Variants in TRIQK observed in about 807,000 individuals in gnomAD.
TRIQK encodes the protein triple QxxK/R motif containing, also known as triple QxxK/R motif-containing protein.
TRIQK carries 10 observed loss-of-function variants against 10.8 expected under a neutral mutation model. The observed-to-expected ratio is 0.92, with a 90% CI of 0.57 to 1.57. The LOEUF is 1.57. Among genes scored for constraint, TRIQK ranks in the 40% most tolerant of loss-of-function variants. The pLI is 0.00. For missense variants in TRIQK, 107 were observed against 97.7 expected (o/e 1.09, Z -0.40); for synonymous variants, 33 against 33.7 (o/e 0.98, Z 0.07).
At chr8:92,979,914 A>G (rs1187212160) in intron 1 of TRIQK, among the ~76,000 whole-genome samples, 4 of 152,124 alleles carry the variant, frequency 2.6e-5, no homozygotes, top group Non-Finnish European at 5.9e-5. Context: ...TATGAAAGAT[A>G]GAGTTGCTTC....
chr8:92,937,995 C>G (rs938406717), intron 2 of TRIQK, among the ~76,000 whole-genome samples: 4 of 151,892 alleles, frequency 2.6e-5, no homozygotes, highest in African/African-American at 9.7e-5. Flanking sequence ...GTTTCATTTT[C>G]CTTTTTTCTG....
rs2130220198 is a variant in TRIQK, at chr8:92,886,617, C to T, written c.*5G>A. Reference sequence around the variant, plus strand: ...TTTCTCTTTCATGCATTGATTGTTGCTTAGCTAATCTTCATCTTGGTCCAG... The same window carrying T: ...TTTCTCTTTCATGCATTGATTGTTGTTTAGCTAATCTTCATCTTGGTCCAG... On this transcript the variant is annotated 3_prime_UTR_variant, in exon 5 of 5. Coordinates refer to ENST00000521988, the MANE Select transcript of TRIQK (RefSeq NM_001171797.2). 6.7e-7 allele frequency: 1 copy of T among 1,501,508 alleles called. No individual in the cohort carries two copies. 93.0% of individuals were successfully genotyped at this position (1,501,508 alleles called of 1,614,324 possible). A position where few individuals can be genotyped will look rare whatever the true frequency, so the allele number is the denominator to read the frequency against.
At chr8:93,015,907 A>G (rs897996009) in intron 1 of TRIQK, among the ~76,000 whole-genome samples, 17 of 151,812 alleles carry the variant, frequency 1.1e-4, no homozygotes, top group Admixed American at 2.6e-4. Context: ...TCTCCACAAA[A>G]CACCTTGTGC....
At chr8:92,980,870 A>C in intron 1 of TRIQK, among the ~76,000 whole-genome samples, 1 of 151,538 alleles carries the variant, frequency 6.6e-6, no homozygotes, top group Middle Eastern at 3.4e-3. Context: ...TAACTTTAGA[A>C]ATATTTTTGC....
At chr8:93,003,844 C>A (rs1400235008) in intron 1 of TRIQK, among the ~76,000 whole-genome samples, 2 of 152,184 alleles carry the variant, frequency 1.3e-5, no homozygotes, top group Admixed American at 6.5e-5. Context: ...GCAGGGAAGT[C>A]ATTAAATCTT....
At chr8:92,982,389 A>C (rs979552019) in intron 1 of TRIQK, among the ~76,000 whole-genome samples, 4 of 152,144 alleles carry the variant, frequency 2.6e-5, no homozygotes, top group Non-Finnish European at 5.9e-5. Context: ...TTCTTATGGA[A>C]TATTAAAATA....
chr8:92,902,852 T>C (rs913787838), intron 3 of TRIQK, among the ~76,000 whole-genome samples: 2 of 152,044 alleles, frequency 1.3e-5, no homozygotes, highest in East Asian at 1.9e-4. Context: ...TTCCTTCTTA[T>C]TGTATTACTT....
intron 3 of TRIQK, among the ~76,000 whole-genome samples, chr8:92,910,488 T>C (rs1586404323): frequency 2.0e-5 from 3 of 151,036 alleles, no homozygotes; most frequent in African/African-American, 7.2e-5. Flanking sequence ...ATGAAAAATA[T>C]AAATAAAAAT....
At chr8:92,959,574 C>G (rs566432278) in intron 1 of TRIQK, among the ~76,000 whole-genome samples, 1 of 151,140 alleles carries the variant, frequency 6.6e-6, no homozygotes, top group Admixed American at 6.6e-5. Flanking sequence ...CTGGTATCTT[C>G]GGGTCTTTTT....
At chr8:92,943,075 T>TA (rs568414238) in intron 2 of TRIQK, among the ~76,000 whole-genome samples, 2,725 of 138,272 alleles carry the variant, frequency 0.02, 31 homozygotes, top group Non-Finnish European at 0.025. Context: ...TTACAATAGC[T>TA]AAAAAAAAAA....
chr8:92,911,868 T>C (rs1390222670), intron 3 of TRIQK, among the ~76,000 whole-genome samples: 1 of 148,226 alleles, frequency 6.7e-6, no homozygotes, highest in Non-Finnish European at 1.5e-5. Context: ...TATGTATATA[T>C]GAGTGTACAT....
At chr8:92,927,504 A>G (rs1275157572) in intron 2 of TRIQK, among the ~76,000 whole-genome samples, 2 of 152,202 alleles carry the variant, frequency 1.3e-5, no homozygotes, top group African/African-American at 4.8e-5. Flanking sequence ...TTATTTTACT[A>G]GAGAAGAAAG....
At chr8:92,955,598 T>G (rs938888528) in intron 1 of TRIQK, among the ~76,000 whole-genome samples, 7 of 151,506 alleles carry the variant, frequency 4.6e-5, no homozygotes, top group African/African-American at 9.7e-5. Context: ...AAATAAAAAT[T>G]TTATGCTTTA....
At chr8:92,989,347 G>A (rs1254366097) in intron 1 of TRIQK, among the ~76,000 whole-genome samples, 3 of 152,120 alleles carry the variant, frequency 2.0e-5, no homozygotes, top group Non-Finnish European at 2.9e-5. Flanking sequence ...GATCTTTTAG[G>A]AACCAGGCTG....
At chr8:92,972,015 A>G (rs543850873) in intron 1 of TRIQK, among the ~76,000 whole-genome samples, 2 of 152,278 alleles carry the variant, frequency 1.3e-5, no homozygotes, top group East Asian at 3.9e-4. Flanking sequence ...TCATTATGCA[A>G]TGTTGACCTT....
At chr8:92,973,968 T>A (rs904412725) in intron 1 of TRIQK, 1 of 152,416 alleles carries the variant, frequency 6.6e-6, no homozygotes, top group Non-Finnish European at 1.5e-5. Flanking sequence ...AAACCTGCCC[T>A]GTGCAGACAA....
chr8:92,965,006 G>C (rs1034801633), intron 1 of TRIQK: 1 of 152,080 alleles, frequency 6.6e-6, no homozygotes, highest in Non-Finnish European at 1.5e-5. Context: ...TTTCTCTCTG[G>C]AATGTTTGTT....
At chr8:93,002,358 G>A (rs1267224708) in intron 1 of TRIQK, among the ~76,000 whole-genome samples, 1 of 152,064 alleles carries the variant, frequency 6.6e-6, no homozygotes. Context: ...AAACTGACAA[G>A]CTTTTAGCTA....
At chr8:92,940,725 C>A (rs1457060271) in intron 2 of TRIQK, among the ~76,000 whole-genome samples, 4 of 152,096 alleles carry the variant, frequency 2.6e-5, no homozygotes, top group African/African-American at 9.7e-5. Context: ...ATCATGCAGA[C>A]AGAGAACTAA....
Sources: allele counts gnomAD v4.1 joint callset (sites outside exome capture counted in the v4.1 genomes callset), GRCh38; gene constraint gnomAD v4.1.1; transcripts MANE v1.5; gene names NCBI Gene and HGNC (gene_info 2026-07-23, HGNC 2026-07-21).